The following SLC13A2 variants were observed in gnomAD, a reference collection of about 807,000 sequenced individuals.
The protein encoded by SLC13A2 is Na(+)-coupled citrate transporter.
Under a neutral mutation model 58.5 loss-of-function variants are expected in SLC13A2, and 40 were observed. The ratio of observed to expected loss-of-function variants is 0.68; its 90% CI spans 0.53 to 0.89. SLC13A2 has a LOEUF of 0.89. Ranked by LOEUF, SLC13A2 falls within the 40% of genes least tolerant of loss-of-function variation. The pLI, the probability that SLC13A2 is intolerant of heterozygous loss-of-function variation, is 0.00. For synonymous variants in SLC13A2, 341 were observed against 331.6 expected (o/e 1.03, Z -0.31); for missense variants, 694 against 772.6 (o/e 0.90, Z 1.21).
intron 1 of SLC13A2, among the ~76,000 whole-genome samples, chr17:28,477,193 G>GTTTTTTT (rs1300546466): frequency 8.6e-5 from 5 of 58,428 alleles, no homozygotes; most frequent in African/African-American, 2.0e-4. Context: ...CAAGTTTTTT[G>GTTTTTTT]TTTTTTTTTT....
At position 28,491,462 on chromosome 17, in the gene SLC13A2, G is replaced by A. The variant is rs782356716; in HGVS notation, c.600G>A (p.Thr200=). 6.1e-5 allele frequency: 98 copies of A among 1,613,554 alleles called. No individual in the cohort carries two copies. The highest frequency in any genetic ancestry group is 3.3e-4 in the East Asian group (15 of 44,890). Residue 200 remains threonine, a synonymous_variant, in exon 5 of 12, where the codon ACG becomes ACA. Transcript: ENST00000314669. ...ATAATGGGCAGGCCCTCCCTGTCAC[G>A]TCTGCCTCTTCGGAGGGGAGGGCAC... is the stretch of plus-strand genomic sequence containing the variant. The part of the protein sequence containing the change: ...KLDNGQALPV[T]SASSEGRAHL...
intron 1 of SLC13A2, among the ~76,000 whole-genome samples, chr17:28,477,385 G>C (rs746562699): frequency 6.7e-5 from 10 of 149,928 alleles, no homozygotes; most frequent in African/African-American, 2.5e-5. Context: ...TAGTAGAGAC[G>C]GGGTTTCACC....
Position 28,490,478 on chromosome 17 carries a change from T to C in SLC13A2, c.256T>C (p.Ser86Pro), listed in dbSNP as rs1485766801. ...GGTTGCCGTCGAGTATCTTAAGGAC[T>C]CCAACCTCCTGTTCTTCGGGGGGCT... ...SEVAVEYLKD[S>P]NLLFFGGLLV... Residue 86 changes from serine (S) to proline (P), a missense_variant, in exon 3 of 12, where the codon TCC becomes CCC. Physicochemically the swap from Ser to Pro is moderately conservative, Grantham distance 74. Coordinates refer to ENST00000314669, the MANE Select transcript of SLC13A2 (RefSeq NM_003984.4). The C allele has an allele frequency of 1.2e-6, 2 of 1,613,994 alleles. No individual in the cohort carries two copies. Among genetic ancestry groups the C allele is most frequent in the East Asian group, 2.2e-5 (1 of 44,874 alleles).
Position 28,494,140 on chromosome 17 carries a change from G to A in SLC13A2, c.1186+35G>A, listed in dbSNP as rs782540271. Reference sequence around the variant, plus strand: ...TGGACTGGGGCAGGGAAGGGTCTCCGGGCAGCCCCTGCCTTCAAGTATGTA... The same window carrying A: ...TGGACTGGGGCAGGGAAGGGTCTCCAGGCAGCCCCTGCCTTCAAGTATGTA... On this transcript the variant is annotated intron_variant, in intron 8 of 11. Transcript: ENST00000314669. The surrounding 1 kb of genome is among the most constrained non-coding windows in gnomAD (Gnocchi z 4.0). 15 of 1,587,280 alleles carry A rather than the reference G, an allele frequency of 9.5e-6. No homozygotes were observed. Among genetic ancestry groups the A allele is most frequent in the South Asian group, 2.2e-5 (2 of 90,478 alleles).
intron 1 of SLC13A2, among the ~76,000 whole-genome samples, chr17:28,484,803 A>C (rs146147873): frequency 5.0e-4 from 76 of 152,304 alleles, no homozygotes; most frequent in Non-Finnish European, 9.7e-4. Context: ...GACTGGGTGC[A>C]TGGCCCAGAG....
At position 28,494,450 on chromosome 17, in the gene SLC13A2, A is replaced by G; in HGVS notation, c.1246A>G (p.Lys416Glu). Residue 416 changes from lysine to glutamate, a missense_variant, in exon 9 of 12, where the codon AAG becomes GAG. Transcript: ENST00000314669. This position sits in a 1 kb window ranked among gnomAD's most constrained non-coding sequence, Gnocchi z 4.0. ...CCTCGACTGGAAGACGGTGAACCAG[A>G]AGATGCCGTGGAATATCGTGTTATT... ...GLLDWKTVNQ[K>E]MPWNIVLLLG... is the part of the protein sequence containing the mutation. 6.2e-7 allele frequency: 1 copy of G among 1,614,104 alleles called. No homozygotes were observed. Among genetic ancestry groups the G allele is most frequent in the African/African-American group, 1.3e-5 (1 of 75,024 alleles).
chr17:28,497,283 C>T lies in SLC13A2; in HGVS notation c.*14C>T, dbSNP rs782459797. On this transcript the variant is annotated 3_prime_UTR_variant, in exon 12 of 12. Coordinates refer to ENST00000314669, the MANE Select transcript of SLC13A2 (RefSeq NM_003984.4). ...CCAAGCCCCTAGGCTGGGGCACAGC[C>T]TGGCCATGCCCAGGAAGACCCACCC... The T allele has an allele frequency of 6.2e-7, 1 of 1,607,090 alleles. No homozygotes were observed. The highest frequency in any genetic ancestry group is 8.5e-7 in the Non-Finnish European group (1 of 1,175,126).
chr17:28,491,921 C>A, intron 6 of SLC13A2, 69 bp downstream of exon 6: 1 of 1,560,252 alleles, frequency 6.4e-7, no homozygotes, highest in Non-Finnish European at 8.7e-7. Context: ...CAGTTGGGTG[C>A]AGATGTGGAA....
intron 6 of SLC13A2, among the ~76,000 whole-genome samples, chr17:28,492,991 GCCA>G (rs1555603814): frequency 6.6e-6 from 1 of 152,256 alleles, no homozygotes; most frequent in African/African-American, 2.4e-5. Context: ...TCAGCACAGT[GCCA>G]GGCACCACAG....
rs1555602995 is a variant in SLC13A2, at chr17:28,490,443, C to T, written c.232-11C>T. 2 of 1,614,024 alleles carry T rather than the reference C, an allele frequency of 1.2e-6. No individual in the cohort carries two copies. Among genetic ancestry groups the T allele is most frequent in the Non-Finnish European group, 1.7e-6 (2 of 1,180,038 alleles). On this transcript the variant is annotated splice_polypyrimidine_tract_variant and intron_variant, in intron 2 of 11. Transcript: ENST00000314669. ...GTCTTCCCGCCGCTCAGCCATGTCT[C>T]CACCTGCCAGGTTGCCGTCGAGTAT...
Position 28,493,587 on chromosome 17 carries a change from G to A in SLC13A2, c.895G>A (p.Gly299Ser), listed in dbSNP as rs2069072333. The A allele has an allele frequency of 6.2e-7, 1 of 1,605,242 alleles. No individual in the cohort carries two copies. Among genetic ancestry groups the A allele is most frequent in the Admixed American group, 1.7e-5 (1 of 59,686 alleles). Residue 299 changes from glycine to serine, a missense_variant, in exon 7 of 12, where the codon GGC becomes AGC. Coordinates refer to ENST00000314669, the MANE Select transcript of SLC13A2 (RefSeq NM_003984.4). ...TGCCTGCAGCTTCCGGAAGAACTTTGGCATTGGGGAAAAGATGCAGGAGCA... is the reference window on the plus strand; with the variant it reads ...TGCCTGCAGCTTCCGGAAGAACTTTAGCATTGGGGAAAAGATGCAGGAGCA... Reference protein sequence around the residue: ...FLGFNFRKNFGIGEKMQEQQQ... With the variant: ...FLGFNFRKNFSIGEKMQEQQQ...
In SLC13A2 at chr17:28,496,984, C is replaced by A; in HGVS notation, c.1609-115C>A. ...GCTGCAGGTTAGACCAACGGGAGGA[C>A]TTCCCAGAGAGAATTTTGCTGGTAG... On this transcript the variant is annotated intron_variant, in intron 11 of 11. Transcript: ENST00000314669. The surrounding 1 kb of genome is among the most constrained non-coding windows in gnomAD (Gnocchi z 4.2). 3 of 1,100,324 alleles carry A rather than the reference C, an allele frequency of 2.7e-6. No individual in the cohort carries two copies. The highest frequency in any genetic ancestry group is 4.0e-6 in the Non-Finnish European group (3 of 745,244). The allele number at this position is 1,100,324 out of a possible 1,614,324, so 68.2% of individuals were successfully genotyped here.
At position 28,496,536 on chromosome 17, in the gene SLC13A2, C is replaced by G; in HGVS notation, c.1557C>G (p.Thr519=). The G allele has an allele frequency of 6.2e-7, 1 of 1,613,750 alleles. No homozygotes were observed. Among genetic ancestry groups the G allele is most frequent in the Non-Finnish European group, 8.5e-7 (1 of 1,179,816 alleles). The change falls in exon 11 of 12, where the codon ACC becomes ACG. Residue 519 remains threonine (T), a synonymous_variant. Coordinates refer to ENST00000314669, the MANE Select transcript of SLC13A2 (RefSeq NM_003984.4). The surrounding 1 kb of genome is among the most constrained non-coding windows in gnomAD (Gnocchi z 4.2). The part of the protein sequence containing the change: ...TSLAFMLPVA[T]PPNAIVFSFG... ...TGGCCTTCATGTTGCCTGTGGCCACCCCGCCCAATGCCATCGTCTTCTCTT... is the reference window on the plus strand; with the variant it reads ...TGGCCTTCATGTTGCCTGTGGCCACGCCGCCCAATGCCATCGTCTTCTCTT...
Position 28,491,412 on chromosome 17 carries a change from C to T in SLC13A2, c.575-25C>T, listed in dbSNP as rs1312480898. The T allele has an allele frequency of 1.1e-5, 18 of 1,611,770 alleles. No homozygotes were observed. In the African/African-American group the frequency reaches 2.3e-4, roughly 20 times the overall value. On this transcript the variant is annotated intron_variant, in intron 4 of 11. Transcript: ENST00000314669. ...CCAGAGCTGGCCCTGTACCTGCCCC[C>T]ACCTGGGCTCTCCCTTGTTCCCAGA... is the stretch of plus-strand genomic sequence containing the variant.
chr17:28,494,532 C>G lies in SLC13A2; in HGVS notation c.1308+20C>G. 1 of 1,613,634 alleles carries G rather than the reference C, an allele frequency of 6.2e-7. No individual in the cohort carries two copies. Among genetic ancestry groups the G allele is most frequent in the Non-Finnish European group, 8.5e-7 (1 of 1,179,770 alleles). On this transcript the variant is annotated intron_variant, in intron 9 of 11. Coordinates refer to ENST00000314669, the MANE Select transcript of SLC13A2 (RefSeq NM_003984.4). This position sits in a 1 kb window ranked among gnomAD's most constrained non-coding sequence, Gnocchi z 4.0. Reference sequence around the variant, plus strand: ...AGTGAGGTGAGAGGCCCCCAGCCCCCTCCTCAGCCTGTGTGAGGGTGTCTC... The same window carrying G: ...AGTGAGGTGAGAGGCCCCCAGCCCCGTCCTCAGCCTGTGTGAGGGTGTCTC...
chr17:28,486,786 T>A (rs1285750039), intron 1 of SLC13A2, among the ~76,000 whole-genome samples: 38 of 142,202 alleles, frequency 2.7e-4, no homozygotes, highest in Admixed American at 1.3e-3. Flanking sequence ...TGGAGGCGAG[T>A]CTGACTTTTT....
intron 1 of SLC13A2, among the ~76,000 whole-genome samples, chr17:28,482,505 A>G (rs537100343): frequency 6.6e-6 from 1 of 152,282 alleles, no homozygotes; most frequent in African/African-American, 2.4e-5. Context: ...TACATCAGAA[A>G]TTTCCCTGAA....
intron 2 of SLC13A2, 26 bp downstream of exon 2, chr17:28,489,368 G>A (rs374678710): frequency 6.7e-5 from 108 of 1,604,174 alleles, no homozygotes; most frequent in Non-Finnish European, 8.0e-5. Context: ...AGGAGAAAGC[G>A]TTCTGGGCAG....
In SLC13A2 at chr17:28,494,559, G is replaced by A; in HGVS notation, c.1308+47G>A. The A allele has an allele frequency of 6.2e-7, 1 of 1,610,880 alleles. No individual in the cohort carries two copies. Among genetic ancestry groups the A allele is most frequent in the Non-Finnish European group, 8.5e-7 (1 of 1,178,420 alleles). Reference sequence around the variant, plus strand: ...CCTCAGCCTGTGTGAGGGTGTCTCTGTGGCAGGGAGAGAGGGGGCCCTGCT... The same window carrying A: ...CCTCAGCCTGTGTGAGGGTGTCTCTATGGCAGGGAGAGAGGGGGCCCTGCT... On this transcript the variant is annotated intron_variant, in intron 9 of 11. Transcript: ENST00000314669. This position sits in a 1 kb window ranked among gnomAD's most constrained non-coding sequence, Gnocchi z 4.0.
Sources: gnomAD v4.1 joint callset for allele counts (sites outside exome capture counted in the v4.1 genomes callset) on GRCh38, gnomAD v4.1.1 for gene constraint, Gnocchi (gnomAD v3.1) non-coding constraint, MANE v1.5 for transcripts, NCBI Gene and HGNC (gene_info 2026-07-23, HGNC 2026-07-21) for gene names.